Variants in ZNF722 observed in about 807,000 individuals in gnomAD.
ZNF722 encodes the protein zinc finger protein 722.
the ZNF722 span, among the ~76,000 whole-genome samples, chr7:64,016,901 G>C: frequency 1.6e-3 from 241 of 152,214 alleles, 2 homozygotes; most frequent in African/African-American, 5.6e-3. Flanking sequence ...CGTTATGGTA[G>C]GTAAGATAAT....
chr7:64,012,567 C>A, the ZNF722 span, among the ~76,000 whole-genome samples: 1 of 152,118 alleles, frequency 6.6e-6, no homozygotes, highest in Non-Finnish European at 1.5e-5. Context: ...TCCACCTTGG[C>A]CTCGCAAAGT....
At chr7:64,015,442 C>G in the ZNF722 span, 35 of 1,603,220 alleles carry the variant, frequency 2.2e-5, no homozygotes, top group Non-Finnish European at 3.0e-5. Flanking sequence ...AAACGCTCCT[C>G]AAACTGTACT....
At chr7:64,001,215 T>C in the ZNF722 span, among the ~76,000 whole-genome samples, 6 of 152,232 alleles carry the variant, frequency 3.9e-5, no homozygotes, top group Non-Finnish European at 4.4e-5. Context: ...CCAACAGATT[T>C]GTTTTCTGAT....
At chr7:64,006,981 T>A in the ZNF722 span, among the ~76,000 whole-genome samples, 1 of 151,818 alleles carries the variant, frequency 6.6e-6, no homozygotes, top group Non-Finnish European at 1.5e-5. Flanking sequence ...GATAATTTCA[T>A]TTTTAATTAT....
the ZNF722 span, among the ~76,000 whole-genome samples, chr7:64,009,970 G>A: frequency 6.6e-6 from 1 of 152,058 alleles, no homozygotes; most frequent in Non-Finnish European, 1.5e-5. Context: ...TTTAGTCTTG[G>A]GAGGGTGTAT....
the ZNF722 span, among the ~76,000 whole-genome samples, chr7:64,012,994 A>G: frequency 1.3e-5 from 2 of 152,048 alleles, no homozygotes; most frequent in Non-Finnish European, 2.9e-5. Context: ...TTTGACTTCC[A>G]CTGTAATTGT....
At chr7:64,014,287 G>A in the ZNF722 span, among the ~76,000 whole-genome samples, 1 of 151,340 alleles carries the variant, frequency 6.6e-6, no homozygotes, top group Admixed American at 6.6e-5. Context: ...TTTTCTCATT[G>A]AGCAAAATAC....
the ZNF722 span, among the ~76,000 whole-genome samples, chr7:64,004,426 ATATATATATATAT>A: frequency 1.7e-4 from 8 of 47,652 alleles, no homozygotes; most frequent in East Asian, 4.7e-4. Flanking sequence ...AAAAAAAAAA[ATATATATATATAT>A]ATATATATAT....
the ZNF722 span, among the ~76,000 whole-genome samples, chr7:64,009,384 A>G: frequency 1.3e-5 from 2 of 152,174 alleles, no homozygotes; most frequent in Non-Finnish European, 2.9e-5. Flanking sequence ...TGGGTTTGTC[A>G]TAAATAGCTC....
At chr7:64,008,520 T>A in the ZNF722 span, among the ~76,000 whole-genome samples, 1 of 152,222 alleles carries the variant, frequency 6.6e-6, no homozygotes, top group Non-Finnish European at 1.5e-5. Flanking sequence ...CCATTTCTTG[T>A]TTTTGTCAGG....
the ZNF722 span, among the ~76,000 whole-genome samples, chr7:64,014,549 T>A: frequency 2.0e-5 from 3 of 152,150 alleles, no homozygotes; most frequent in Non-Finnish European, 2.9e-5. Flanking sequence ...TCTCAGGATG[T>A]GTCTTGTCTG....
At chr7:64,008,135 A>C in the ZNF722 span, among the ~76,000 whole-genome samples, 1 of 152,032 alleles carries the variant, frequency 6.6e-6, no homozygotes, top group Non-Finnish European at 1.5e-5. Context: ...TGTAGATTCC[A>C]GATATTAGCC....
the ZNF722 span, chr7:64,016,100 A>G: frequency 1.8e-6 from 1 of 551,092 alleles, no homozygotes; most frequent in Non-Finnish European, 3.1e-6. Context: ...AAAGCCTTTG[A>G]CCAACCCTCA....
At chr7:63,999,051 G>T in the ZNF722 span, 1 of 1,548,562 alleles carries the variant, frequency 6.5e-7, no homozygotes. Context: ...GTTGGAACCG[G>T]CTGAAAGTGG....
chr7:64,003,937 G>A, the ZNF722 span, among the ~76,000 whole-genome samples: 3 of 152,134 alleles, frequency 2.0e-5, no homozygotes, highest in Non-Finnish European at 4.4e-5. Flanking sequence ...TTTAGAAAAT[G>A]CTCATTTATA....
the ZNF722 span, chr7:64,005,806 A>G: frequency 7.5e-7 from 1 of 1,335,728 alleles, no homozygotes; most frequent in Non-Finnish European, 1.0e-6. Flanking sequence ...TGATTTTGGT[A>G]ATTTCTGCTT....
the ZNF722 span, among the ~76,000 whole-genome samples, chr7:64,002,891 G>A: frequency 1.3e-5 from 2 of 152,178 alleles, no homozygotes; most frequent in Non-Finnish European, 2.9e-5. Context: ...TATTTGTTTT[G>A]TGACAAATGT....
At chr7:64,004,423 A>ATATATAT in the ZNF722 span, among the ~76,000 whole-genome samples, 11 of 61,702 alleles carry the variant, frequency 1.8e-4, no homozygotes, top group East Asian at 5.4e-4. Context: ...AAAAAAAAAA[A>ATATATAT]AAATATATAT....
chr7:64,002,326 T>G, the ZNF722 span, among the ~76,000 whole-genome samples: 2,758 of 152,294 alleles, frequency 0.018, 167 homozygotes, highest in East Asian at 0.18. Context: ...GATCTAACTT[T>G]TTGATGTGGA....
Sources: gnomAD v4.1 joint callset for allele counts (sites outside exome capture counted in the v4.1 genomes callset) on GRCh38, gnomAD v4.1.1 for gene constraint, MANE v1.5 for transcripts, NCBI Gene and HGNC (gene_info 2026-07-23, HGNC 2026-07-21) for gene names.